Variants in PI4KB observed in about 807,000 individuals in gnomAD.
PI4KB encodes PtdIns 4-kinase beta.
In PI4KB, 23 loss-of-function variants were observed where a neutral mutation model predicts 81.4. The ratio of observed to expected loss-of-function variants is 0.28; its 90% CI spans 0.20 to 0.40. PI4KB has a LOEUF of 0.40. Among genes scored for constraint, PI4KB ranks in the 10% least tolerant of loss-of-function variants. The pLI is 1.00. For missense variants in PI4KB, 651 were observed against 1,036.6 expected (o/e 0.63, Z 5.11); for synonymous variants, 381 against 406.8 (o/e 0.94, Z 0.76).
At chr1:151,315,361 A>C (rs1403289685) in intron 2 of PI4KB, among the ~76,000 whole-genome samples, 3 of 152,314 alleles carry the variant, frequency 2.0e-5, no homozygotes, top group Non-Finnish European at 2.9e-5. Context: ...AACTCACTTT[A>C]TCTCTCTGGG....
At chr1:151,306,008 C>G (rs1327838145) in intron 5 of PI4KB, 128 bp downstream of exon 5, 5 of 671,444 alleles carry the variant, frequency 7.4e-6, no homozygotes, top group African/African-American at 1.8e-5. Flanking sequence ...TTACCCCTCA[C>G]TACCTACACC....
chr1:151,299,118 A>C, intron 8 of PI4KB, 45 bp from the exon 9 acceptor site: 21 of 1,565,806 alleles, frequency 1.3e-5, no homozygotes, highest in Non-Finnish European at 1.8e-5. Context: ...CTTTCTCCAA[A>C]CTAGAGAAGA....
chr1:151,307,517 AC>A, intron 4 of PI4KB, 56 bp downstream of exon 4: 3 of 1,201,502 alleles, frequency 2.5e-6, no homozygotes, highest in Non-Finnish European at 3.7e-6. Flanking sequence ...CAAACTCTGA[AC>A]AACCATGGGT....
rs587759939 is a variant in PI4KB at position 151,315,687 on chromosome 1, C to T, written c.795G>A (p.Leu265=). ...GCTGGTGAGTCCTTTTGGAGGGAGA[C>T]AGCCCTGTGTCAGGGGCCGGGCTCA... The part of the protein sequence containing the change: ...PSLSPAPDTG[L]SPSKRTHQRS... The change falls in exon 2 of 12, where the codon CTG becomes CTA. Residue 265 remains leucine, a synonymous_variant. Coordinates refer to ENST00000368873, the MANE Select transcript of PI4KB (RefSeq NM_001369623.2). 3 of 1,613,880 alleles carry T rather than the reference C, an allele frequency of 1.9e-6. No individual in the cohort carries two copies. Among genetic ancestry groups the T allele is most frequent in the Admixed American group, 3.3e-5 (2 of 60,008 alleles).
At chr1:151,323,947 C>A (rs1649240674) in intron 1 of PI4KB, among the ~76,000 whole-genome samples, 2 of 150,866 alleles carry the variant, frequency 1.3e-5, no homozygotes, top group Non-Finnish European at 3.0e-5. Flanking sequence ...TGCATTCCTT[C>A]AAAAAAAAAT....
chr1:151,294,263 C>T lies in PI4KB; in HGVS notation c.2149-125G>A, dbSNP rs1694604595. ...TGTTATTTCCCCCTTCCTTATTGGG[C>T]AGGAAGCTCCCAGGAACTCCTGCCT... On this transcript the variant is annotated intron_variant, in intron 10 of 11. Coordinates refer to ENST00000368873, the MANE Select transcript of PI4KB (RefSeq NM_001369623.2). 2.7e-6 allele frequency: 4 copies of T among 1,473,718 alleles called. 1 individual carries two copies. In the South Asian group the frequency reaches 5.2e-5, roughly 19 times the overall value. 91.3% of individuals were successfully genotyped at this position (1,473,718 alleles called of 1,614,324 possible). A position where few individuals can be genotyped will look rare whatever the true frequency, so the allele number is the denominator to read the frequency against.
chr1:151,308,498 G>A (rs1695970550), intron 3 of PI4KB, among the ~76,000 whole-genome samples: 1 of 152,182 alleles, frequency 6.6e-6, no homozygotes, highest in East Asian at 1.9e-4. Flanking sequence ...GAAAGCAACA[G>A]CTCCTTTTAG....
chr1:151,305,227 A>G (rs1695661353), intron 5 of PI4KB, among the ~76,000 whole-genome samples: 1 of 152,192 alleles, frequency 6.6e-6, no homozygotes, highest in Non-Finnish European at 1.5e-5. Context: ...CGGCCTCCCA[A>G]AGTGTTGGGA....
At chr1:151,322,692 T>G (rs1453055614) in intron 1 of PI4KB, among the ~76,000 whole-genome samples, 1 of 152,208 alleles carries the variant, frequency 6.6e-6, no homozygotes, top group Non-Finnish European at 1.5e-5. Context: ...ATTTTCCTCC[T>G]TTTAAAGGAT....
chr1:151,313,348 T>C (rs1647406083), intron 2 of PI4KB, among the ~76,000 whole-genome samples: 2 of 152,142 alleles, frequency 1.3e-5, no homozygotes, highest in Admixed American at 1.3e-4. Flanking sequence ...CTAAATGATG[T>C]AAGTATTCAC....
intron 11 of PI4KB, chr1:151,293,315 G>A: frequency 7.3e-7 from 1 of 1,376,308 alleles, no homozygotes; most frequent in Non-Finnish European, 9.6e-7. Context: ...CAGAGGGCAG[G>A]CTGGGAGGAG....
chr1:151,318,541 C>T (rs1353973052), intron 1 of PI4KB, among the ~76,000 whole-genome samples: 2 of 151,492 alleles, frequency 1.3e-5, no homozygotes, highest in South Asian at 2.1e-4. Flanking sequence ...GGAGAAACCT[C>T]GTCTCTACTA....
intron 8 of PI4KB, among the ~76,000 whole-genome samples, chr1:151,299,688 C>T (rs969978185): frequency 6.6e-6 from 1 of 150,850 alleles, no homozygotes; most frequent in Admixed American, 6.6e-5. Context: ...AGACTCTCTC[C>T]GACGAAAAAA....
Position 151,316,166 on chromosome 1 carries a change from C to T in PI4KB, c.316G>A (p.Ala106Thr). 1 of 1,613,912 alleles carries T rather than the reference C, an allele frequency of 6.2e-7. No homozygotes were observed. The highest frequency in any genetic ancestry group is 8.5e-7 in the Non-Finnish European group (1 of 1,179,842). The change falls in exon 2 of 12, where the codon GCC becomes ACC. Residue 106 changes from alanine to threonine, a missense_variant. This residue lies in a region of PI4KB where 314 missense variants were observed against 397.8 expected (regional missense o/e 0.79). Transcript: ENST00000368873. ...TTGGCTGTGCCTGAGGCCACAGCGG[C>T]CCCCATCTCATCTTCCTCCTCCCTG... ...QIREEEDEMG[A>T]AVASGTAKGA...
rs587719805 is a variant in PI4KB, at chr1:151,302,054, G to T, written c.1626-87C>A. The T allele has an allele frequency of 1.1e-4, 176 of 1,592,654 alleles. No individual in the cohort carries two copies. The African/African-American group carries it at 2.1e-3, about 19-fold the overall frequency. The stretch of plus-strand genomic sequence containing the variant: ...CTTCCACAAAAAATCCCAAGCAAAC[G>T]CCCCATAGGGCAAGGACCCAGACAG... On this transcript the variant is annotated intron_variant, in intron 7 of 11. Coordinates refer to ENST00000368873, the MANE Select transcript of PI4KB (RefSeq NM_001369623.2).
Position 151,299,093 on chromosome 1 carries a change from A to G in PI4KB, c.1750-20T>C. ...AATGGACTGTGAGGAGACATGGAGG[A>G]TACAGGACTCTTATCTTTCTCCAAA... On this transcript the variant is annotated intron_variant, in intron 8 of 11. Coordinates refer to ENST00000368873, the MANE Select transcript of PI4KB (RefSeq NM_001369623.2). 1 of 1,607,398 alleles carries G rather than the reference A, an allele frequency of 6.2e-7. No individual in the cohort carries two copies. Among genetic ancestry groups the G allele is most frequent in the Non-Finnish European group, 8.5e-7 (1 of 1,174,348 alleles).
chr1:151,311,721 T>C (rs1023424097), intron 2 of PI4KB, among the ~76,000 whole-genome samples: 1 of 152,122 alleles, frequency 6.6e-6, no homozygotes, highest in Non-Finnish European at 1.5e-5. Flanking sequence ...AAGGGAGGTA[T>C]ATCATGACCT....
At chr1:151,294,380 C>G (rs1179393139) in intron 10 of PI4KB, 29 bp downstream of exon 10, 1 of 1,610,514 alleles carries the variant, frequency 6.2e-7, no homozygotes, top group Non-Finnish European at 8.5e-7. Context: ...ACAATGACCC[C>G]CGAGAGGCAC....
In PI4KB at chr1:151,292,140, A is replaced by G. The variant is rs1394459656; in HGVS notation, c.*712T>C. On this transcript the variant is annotated 3_prime_UTR_variant, in exon 12 of 12. Transcript: ENST00000368873. ...CTGGAAATGACACAAGTGGCTAACTAAGGACTTTATTTCAAACAAAAATTA... is the reference window on the plus strand; with the variant it reads ...CTGGAAATGACACAAGTGGCTAACTGAGGACTTTATTTCAAACAAAAATTA... 1 of 152,338 alleles carries G rather than the reference A, an allele frequency of 6.6e-6. No individual in the cohort carries two copies. Among genetic ancestry groups the G allele is most frequent in the Non-Finnish European group, 1.5e-5 (1 of 68,146 alleles). 9.4% of individuals were successfully genotyped at this position (152,338 alleles called of 1,614,324 possible).
Sources: allele counts gnomAD v4.1 joint callset (sites outside exome capture counted in the v4.1 genomes callset), GRCh38; gene constraint gnomAD v4.1.1; regional missense constraint gnomAD v4.1.1; transcripts MANE v1.5; gene names NCBI Gene and HGNC (gene_info 2026-07-23, HGNC 2026-07-21).